Variants in NBEA observed in about 807,000 individuals in gnomAD.
NBEA encodes the protein lysosomal-trafficking regulator 2.
In NBEA, 44 loss-of-function variants were observed where a neutral mutation model predicts 343.4. The ratio of observed to expected loss-of-function variants is 0.13; its 90% CI spans 0.10 to 0.16. NBEA has a LOEUF of 0.16. NBEA is among the 10% of genes least tolerant of loss of function. NBEA has a pLI of 1.00. For synonymous variants in NBEA, 1,175 were observed against 1,238.7 expected, an observed-to-expected ratio of 0.95 and a Z score of 1.08; for missense variants, 2,555 against 3,631.3, an observed-to-expected ratio of 0.70 and a Z score of 7.62.
chr13:35,140,493 T>C (rs1408791673), intron 17 of NBEA, among the ~76,000 whole-genome samples: 1 of 152,214 alleles, frequency 6.6e-6, no homozygotes. Context: ...AGTCCCATAA[T>C]ACTCATTAGC....
chr13:35,505,300 A>G (rs1328207951), intron 41 of NBEA, among the ~76,000 whole-genome samples: 2 of 152,210 alleles, frequency 1.3e-5, no homozygotes, highest in African/African-American at 2.4e-5. Context: ...TATTATTTCA[A>G]TGATACGTAT....
chr13:35,289,606 A>G (rs2035667749), intron 34 of NBEA, among the ~76,000 whole-genome samples: 1 of 151,926 alleles, frequency 6.6e-6, no homozygotes, highest in Non-Finnish European at 1.5e-5. Context: ...TAAACTGTTT[A>G]TAGGAAATAT....
rs202117340 is a variant in NBEA, at chr13:35,462,090, T to C, written c.6448+9855T>C. On this transcript the variant is annotated intron_variant, in intron 40 of 58. Transcript: ENST00000379939. ...CCTGGAAGGACCTGTTGGACCCTTA[T>C]TCTCTGATGCTAGATCGAAACTTCA... Among the ~76,000 whole-genome samples the C allele has an allele frequency of 7.9e-5, 12 of 152,330 alleles. No homozygotes were observed. The East Asian group carries it at 2.3e-3, about 29-fold the overall frequency.
Position 35,628,218 on chromosome 13 carries a change from G to A in NBEA, c.7587G>A (p.Leu2529=). 6.2e-7 allele frequency: 1 copy of A among 1,611,430 alleles called. No homozygotes were observed. Among genetic ancestry groups the A allele is most frequent in the Non-Finnish European group, 8.5e-7 (1 of 1,178,690 alleles). ...HYLTYEGSVN[L]DSITDPVLRE... ...TGACTTATGAAGGCTCTGTGAACCT[G>A]GATAGTATCACTGATCCTGTGCTCA... The change falls in exon 49 of 59, where the codon CTG becomes CTA. Residue 2529 remains leucine, a synonymous_variant. Coordinates refer to ENST00000379939, the MANE Select transcript of NBEA (RefSeq NM_001385012.1).
At position 35,069,302 on chromosome 13, in the gene NBEA, T is replaced by C. The variant is rs2063774161; in HGVS notation, c.1240-606T>C. ...GAGCAATTTTAACCACATCTAACAA[T>C]ACCTTTCTTGTTATAGATGGCATAG... On this transcript the variant is annotated intron_variant, in intron 8 of 58. Transcript: ENST00000379939. Among the ~76,000 whole-genome samples, 3 of 152,160 alleles carry C rather than the reference T, an allele frequency of 2.0e-5. No individual in the cohort carries two copies. In the South Asian group the frequency reaches 6.2e-4, roughly 31 times the overall value.
intron 35 of NBEA, among the ~76,000 whole-genome samples, chr13:35,300,206 C>A (rs2036446337): frequency 6.6e-6 from 1 of 152,074 alleles, no homozygotes; most frequent in Admixed American, 6.6e-5. Context: ...CGCCTGTAGT[C>A]CCAGCCACTC....
intron 41 of NBEA, among the ~76,000 whole-genome samples, chr13:35,523,995 C>A (rs1190719501): frequency 6.6e-6 from 1 of 152,102 alleles, no homozygotes; most frequent in Non-Finnish European, 1.5e-5. Flanking sequence ...CTATTTTCAT[C>A]ACATTTCATG....
intron 34 of NBEA, among the ~76,000 whole-genome samples, chr13:35,236,421 GTTTTGTTTTGTTTTGTTTTGT>G (rs2035377299): frequency 7.0e-5 from 2 of 28,402 alleles, no homozygotes; most frequent in Admixed American, 1.1e-3. Flanking sequence ...GTTTTGTTTT[GTTTTGTTTTGTTTTGTTTTGT>G]TTTGTTTTGT....
At chr13:35,315,048 C>T (rs1276001332) in intron 36 of NBEA, among the ~76,000 whole-genome samples, 1 of 152,156 alleles carries the variant, frequency 6.6e-6, no homozygotes, top group Admixed American at 6.6e-5. Flanking sequence ...TTTATACATG[C>T]TTTTATCCCA....
At chr13:35,551,150 T>G in intron 43 of NBEA, 118 bp downstream of exon 43, 1 of 564,654 alleles carries the variant, frequency 1.8e-6, no homozygotes, top group Non-Finnish European at 2.9e-6. Flanking sequence ...AGAATTTTCT[T>G]TCTCTGAAGG....
intron 1 of NBEA, among the ~76,000 whole-genome samples, chr13:34,968,340 G>A (rs1419081088): frequency 1.3e-5 from 2 of 152,078 alleles, no homozygotes; most frequent in Non-Finnish European, 2.9e-5. Context: ...ATATTCACTT[G>A]CTTAGTTTTT....
intron 1 of NBEA, among the ~76,000 whole-genome samples, chr13:35,000,536 G>C (rs555715102): frequency 6.6e-6 from 1 of 151,248 alleles, no homozygotes; most frequent in South Asian, 2.1e-4. Context: ...GATTATAAGA[G>C]ATACACACAC....
At chr13:35,204,704 G>A (rs184391446) in intron 31 of NBEA, among the ~76,000 whole-genome samples, 2 of 146,772 alleles carry the variant, frequency 1.4e-5, no homozygotes, top group East Asian at 2.0e-4. Context: ...TAAAAGAAGA[G>A]CATAATACCT....
intron 18 of NBEA, among the ~76,000 whole-genome samples, chr13:35,150,853 T>C (rs1047350873): frequency 7.4e-6 from 1 of 135,234 alleles, no homozygotes; most frequent in Admixed American, 7.2e-5. Context: ...CAGTGACTCA[T>C]GCATGTAATC....
rs1367019303 is a variant in NBEA at position 35,671,869 on chromosome 13, G to A, written c.*878G>A. On this transcript the variant is annotated 3_prime_UTR_variant, in exon 59 of 59. Coordinates refer to ENST00000379939, the MANE Select transcript of NBEA (RefSeq NM_001385012.1). The stretch of plus-strand genomic sequence containing the variant: ...AATAGGAGTCATGGGCGTTAGTTCT[G>A]TAGTAATAACTTCCCAGCACCTGGA... 1.3e-5 allele frequency: 2 copies of A among 152,526 alleles called. No homozygotes were observed. Among genetic ancestry groups the A allele is most frequent in the African/African-American group, 2.4e-5 (1 of 41,432 alleles). The allele number at this position is 152,526 out of a possible 1,614,324, so 9.4% of individuals were successfully genotyped here.
intron 17 of NBEA, among the ~76,000 whole-genome samples, chr13:35,132,909 A>T (rs148306587): frequency 6.6e-6 from 1 of 152,332 alleles, no homozygotes; most frequent in African/African-American, 2.4e-5. Context: ...AAAAATGTGA[A>T]AAACAAAATT....
chr13:35,644,500 G>A (rs1287994301), intron 49 of NBEA, among the ~76,000 whole-genome samples: 1 of 152,080 alleles, frequency 6.6e-6, no homozygotes, highest in Admixed American at 6.5e-5. Context: ...ACATTTAAAG[G>A]CTCCCTACTA....
chr13:35,290,479 T>A, intron 35 of NBEA, 29 bp downstream of exon 35: 3 of 1,537,638 alleles, frequency 2.0e-6, no homozygotes, highest in Non-Finnish European at 2.7e-6. Flanking sequence ...TCAGTTACAT[T>A]AATATATGAG....
At chr13:35,200,712 G>T (rs2072962964) in intron 31 of NBEA, among the ~76,000 whole-genome samples, 1 of 151,814 alleles carries the variant, frequency 6.6e-6, no homozygotes, top group African/African-American at 2.4e-5. Flanking sequence ...TTGCTTCCCA[G>T]TGTTTAATTA....
Sources: allele counts gnomAD v4.1 joint callset (sites outside exome capture counted in the v4.1 genomes callset), GRCh38; gene constraint gnomAD v4.1.1; transcripts MANE v1.5; gene names NCBI Gene and HGNC (gene_info 2026-07-23, HGNC 2026-07-21).